PLXDC2: variants seen among roughly 807,000 people sequenced by gnomAD.
PLXDC2 encodes the protein plexin domain-containing protein 2.
Under a neutral mutation model 68.9 loss-of-function variants are expected in PLXDC2, and 40 were observed. That is an observed-to-expected ratio of 0.58 (90% confidence interval 0.45 to 0.76). PLXDC2 has a LOEUF of 0.76. PLXDC2 is among the 30% of genes least tolerant of loss of function. The probability of loss-of-function intolerance (pLI) is 0.00; values close to 1 mark genes in which losing one functional copy is unlikely to be tolerated. For missense variants in PLXDC2, 644 were observed against 661.9 expected (o/e 0.97, Z 0.30); for synonymous variants, 243 against 234.2 (o/e 1.04, Z -0.34).
intron 1 of PLXDC2, among the ~76,000 whole-genome samples, chr10:19,940,348 T>C (rs1178361242): frequency 6.6e-6 from 1 of 152,136 alleles, no homozygotes; most frequent in Non-Finnish European, 1.5e-5. Context: ...TTCAGAATGA[T>C]ATATAGAATC....
chr10:20,012,421 G>A (rs1275148611), intron 2 of PLXDC2, among the ~76,000 whole-genome samples: 1 of 139,610 alleles, frequency 7.2e-6, no homozygotes, highest in Non-Finnish European at 1.5e-5. Context: ...AGGTTCAAGC[G>A]ATTCTCCTGA....
intron 6 of PLXDC2, among the ~76,000 whole-genome samples, chr10:20,162,672 G>C (rs1044253946): frequency 6.6e-6 from 1 of 151,966 alleles, no homozygotes. Context: ...TCATATTAGA[G>C]TACTCAGCAT....
At chr10:19,933,109 G>C (rs902717715) in intron 1 of PLXDC2, among the ~76,000 whole-genome samples, 2 of 152,184 alleles carry the variant, frequency 1.3e-5, no homozygotes, top group Admixed American at 1.3e-4. Context: ...AGACTTCTGG[G>C]TAACTCACTT....
chr10:20,018,596 C>A (rs1835251678), intron 2 of PLXDC2, among the ~76,000 whole-genome samples: 1 of 152,120 alleles, frequency 6.6e-6, no homozygotes, highest in Admixed American at 6.6e-5. Flanking sequence ...GTTTACTACT[C>A]CAAGTTTTCA....
chr10:20,228,123 A>T (rs944302076), intron 12 of PLXDC2, among the ~76,000 whole-genome samples: 10 of 152,178 alleles, frequency 6.6e-5, no homozygotes, highest in Non-Finnish European at 1.2e-4. Flanking sequence ...TGATATCTAA[A>T]TGAAAATGTC....
At chr10:20,121,677 G>A (rs907123907) in intron 4 of PLXDC2, among the ~76,000 whole-genome samples, 2 of 152,180 alleles carry the variant, frequency 1.3e-5, no homozygotes, top group African/African-American at 2.4e-5. Context: ...GGATTGTGGA[G>A]GGAGGTATTG....
intron 12 of PLXDC2, 142 bp from the exon 13 acceptor site, chr10:20,245,203 T>G: frequency 1.3e-6 from 1 of 754,202 alleles, no homozygotes; most frequent in Non-Finnish European, 2.0e-6. Context: ...GCACGTCACC[T>G]GTAAAATTGA....
chr10:20,264,231 G>A (rs1835843558), intron 13 of PLXDC2, among the ~76,000 whole-genome samples: 1 of 152,116 alleles, frequency 6.6e-6, no homozygotes, highest in Admixed American at 6.6e-5. Flanking sequence ...ACCAAATACT[G>A]CATGTCCTCA....
In PLXDC2 at chr10:20,164,480, G is replaced by A; in HGVS notation, c.796G>A (p.Val266Ile). ...IFGYKEIPVL[V>I]TQISSTNHPV... ...TGTTTTTTTCCAGATTCCTGTCTTGGTCACACAGATAAGTTCAACCAATCA... is the reference window on the plus strand; with the variant it reads ...TGTTTTTTTCCAGATTCCTGTCTTGATCACACAGATAAGTTCAACCAATCA... Residue 266 changes from valine (V) to isoleucine (I), a missense_variant, in exon 7 of 14, where the codon GTC becomes ATC. Physicochemically the swap from Val to Ile is conservative, Grantham distance 29. Coordinates refer to ENST00000377252, the MANE Select transcript of PLXDC2 (RefSeq NM_032812.9). The A allele has an allele frequency of 6.2e-7, 1 of 1,612,660 alleles. No homozygotes were observed. Among genetic ancestry groups the A allele is most frequent in the Non-Finnish European group, 8.5e-7 (1 of 1,179,146 alleles).
chr10:20,112,059 C>T (rs540227063), intron 4 of PLXDC2, among the ~76,000 whole-genome samples: 1 of 152,078 alleles, frequency 6.6e-6, no homozygotes, highest in African/African-American at 2.4e-5. Flanking sequence ...TCTGCATATA[C>T]CATGTGAGGA....
At position 20,287,979 on chromosome 10, in the gene PLXDC2, C is replaced by CG. The variant is rs748974758; in HGVS notation, c.*8165dup. 36 of 12,406 alleles carry CG rather than the reference C, an allele frequency of 2.9e-3. 1 individual carries two copies. The highest frequency in any genetic ancestry group is 0.012 in the Admixed American group (15 of 1,276). 0.8% of individuals were successfully genotyped at this position (12,406 alleles called of 1,614,324 possible). A position where few individuals can be genotyped will look rare whatever the true frequency, so the allele number is the denominator to read the frequency against. On this transcript the variant is annotated 3_prime_UTR_variant, in exon 14 of 14. Coordinates refer to ENST00000377252, the MANE Select transcript of PLXDC2 (RefSeq NM_032812.9). The stretch of plus-strand genomic sequence containing the variant: ...AGAAGAAATTGGGCACTTCTTGCGG[C>CG]GGGGGAGGGGGGGGGGGCGGTGGCT...
Position 20,289,074 on chromosome 10 carries a change from A to G in PLXDC2, c.*9255A>G, listed in dbSNP as rs556576080. The G allele has an allele frequency of 5.3e-5, 8 of 152,298 alleles. No individual in the cohort carries two copies. In the South Asian group the frequency reaches 1.2e-3, roughly 24 times the overall value. The allele number at this position is 152,298 out of a possible 1,614,324, so 9.4% of individuals were successfully genotyped here. A position where few individuals can be genotyped will look rare whatever the true frequency, so the allele number is the denominator to read the frequency against. ...TTTCTTAAATACCTTGTCTTTCAACATACGTTTTGTTTCCTTTCTTCCATT... is the reference window on the plus strand; with the variant it reads ...TTTCTTAAATACCTTGTCTTTCAACGTACGTTTTGTTTCCTTTCTTCCATT... On this transcript the variant is annotated 3_prime_UTR_variant, in exon 14 of 14. Transcript: ENST00000377252.
chr10:19,901,126 G>T (rs1391542846), intron 1 of PLXDC2, among the ~76,000 whole-genome samples: 1 of 151,854 alleles, frequency 6.6e-6, no homozygotes, highest in Non-Finnish European at 1.5e-5. Flanking sequence ...AAATTGTGCT[G>T]CTATAAACAT....
At chr10:19,895,652 C>T (rs1442084606) in intron 1 of PLXDC2, among the ~76,000 whole-genome samples, 1 of 152,126 alleles carries the variant, frequency 6.6e-6, no homozygotes, top group African/African-American at 2.4e-5. Context: ...AGTAGTCACA[C>T]GTGGCTAGTG....
At chr10:20,186,632 T>C (rs1338888150) in intron 9 of PLXDC2, among the ~76,000 whole-genome samples, 1 of 151,962 alleles carries the variant, frequency 6.6e-6, no homozygotes, top group Non-Finnish European at 1.5e-5. Flanking sequence ...TTTTCTCGTA[T>C]TTAGCTCCCA....
intron 1 of PLXDC2, among the ~76,000 whole-genome samples, chr10:19,915,057 T>TA (rs1269830133): frequency 3.3e-5 from 5 of 152,092 alleles, no homozygotes; most frequent in African/African-American, 1.2e-4. Context: ...TCATTTTTTT[T>TA]AAATTTACTC....
chr10:19,852,844 G>A (rs926992099), intron 1 of PLXDC2, among the ~76,000 whole-genome samples: 3 of 152,164 alleles, frequency 2.0e-5, no homozygotes, highest in African/African-American at 7.2e-5. Flanking sequence ...TTAAGTAAAG[G>A]AATCTGATTG....
At chr10:19,930,973 A>AAG (rs957291363) in intron 1 of PLXDC2, among the ~76,000 whole-genome samples, 40 of 151,942 alleles carry the variant, frequency 2.6e-4, no homozygotes, top group South Asian at 8.3e-4. Flanking sequence ...AAAAGAAAGA[A>AAG]AGAGAGAGAG....
At chr10:19,961,481 C>T (rs1468738340) in intron 1 of PLXDC2, among the ~76,000 whole-genome samples, 1 of 152,222 alleles carries the variant, frequency 6.6e-6, no homozygotes, top group East Asian at 1.9e-4. Flanking sequence ...TTAGCAAAAT[C>T]TCATACACTA....
Sources: gnomAD v4.1 joint callset for allele counts (sites outside exome capture counted in the v4.1 genomes callset) on GRCh38, gnomAD v4.1.1 for gene constraint, MANE v1.5 for transcripts, NCBI Gene and HGNC (gene_info 2026-07-23, HGNC 2026-07-21) for gene names.